CADPS: variants seen among roughly 807,000 people sequenced by gnomAD.
CADPS encodes the protein calcium-dependent secretion activator 1.
In CADPS, 57 loss-of-function variants were observed where a neutral mutation model predicts 167.3. The observed-to-expected ratio is 0.34, with a 90% CI of 0.28 to 0.42. CADPS has a LOEUF of 0.42. CADPS is among the 20% of genes least tolerant of loss of function. The pLI is 1.00. For synonymous variants in CADPS, 676 were observed against 635.3 expected (o/e 1.06, Z -0.96); for missense variants, 1,414 against 1,738.1 (o/e 0.81, Z 3.32).
intron 4 of CADPS, among the ~76,000 whole-genome samples, chr3:62,655,716 G>T (rs1407747040): frequency 1.3e-5 from 2 of 152,096 alleles, no homozygotes; most frequent in African/African-American, 4.8e-5. Context: ...CAAAGTTGGT[G>T]GGTGATCAGA....
chr3:62,492,529 T>C, intron 19 of CADPS, 83 bp from the exon 20 acceptor site: 3 of 1,327,994 alleles, frequency 2.3e-6, no homozygotes, highest in Middle Eastern at 1.9e-4. Flanking sequence ...CAGCCCTCAC[T>C]GTTCAAAATT....
chr3:62,426,100 C>A (rs779510748), intron 28 of CADPS, among the ~76,000 whole-genome samples: 3 of 152,124 alleles, frequency 2.0e-5, no homozygotes, highest in East Asian at 3.9e-4. Flanking sequence ...CTTTTCTCTC[C>A]GCTGCAAAGC....
At position 62,544,781 on chromosome 3, in the gene CADPS, C is replaced by A; in HGVS notation, c.1966+5122G>T. ...GAGGAAGATTTAAGGGGGAGGGAAG[C>A]ACATTGCAGGTGTCAGATAATCTAA... On this transcript the variant is annotated intron_variant, in intron 11 of 29. Transcript: ENST00000383710. The surrounding 1 kb of genome is among the most constrained non-coding windows in gnomAD (Gnocchi z 4.4). The A allele has an allele frequency of 1.3e-6, 1 of 790,670 alleles. No homozygotes were observed. Among genetic ancestry groups the A allele is most frequent in the Non-Finnish European group, 1.6e-6 (1 of 611,228 alleles). The allele number at this position is 790,670 out of a possible 1,614,324, so 49.0% of individuals were successfully genotyped here.
Position 62,806,681 on chromosome 3 carries a change from T to C in CADPS, c.442-40697A>G, listed in dbSNP as rs2094119170. Among the ~76,000 whole-genome samples, 4 of 152,268 alleles carry C rather than the reference T, an allele frequency of 2.6e-5. 1 individual carries two copies. The South Asian group carries it at 6.2e-4, about 24-fold the overall frequency. On this transcript the variant is annotated intron_variant, in intron 1 of 29. Transcript: ENST00000383710. Reference sequence around the variant, plus strand: ...GTATTTAAGGACATACAGCTAGTAATTGGCAGAGTATGTTACTGAATTTAA... The same window carrying C: ...GTATTTAAGGACATACAGCTAGTAACTGGCAGAGTATGTTACTGAATTTAA...
intron 1 of CADPS, among the ~76,000 whole-genome samples, chr3:62,837,902 A>G (rs1208512574): frequency 2.6e-5 from 4 of 152,206 alleles, no homozygotes; most frequent in Non-Finnish European, 5.9e-5. Context: ...CCCTCAACAA[A>G]TATAGAATTT....
At chr3:62,575,685 A>C (rs771498800) in intron 8 of CADPS, among the ~76,000 whole-genome samples, 13 of 152,200 alleles carry the variant, frequency 8.5e-5, no homozygotes, top group Non-Finnish European at 1.8e-4. Context: ...CCTAACTCTA[A>C]AGCACCCTCT....
chr3:62,451,117 A>G (rs2057984088), intron 26 of CADPS, among the ~76,000 whole-genome samples: 3 of 152,258 alleles, frequency 2.0e-5, no homozygotes, highest in Admixed American at 2.0e-4. Flanking sequence ...TCAGTGCAGA[A>G]GGTCCAAAAT....
intron 3 of CADPS, among the ~76,000 whole-genome samples, chr3:62,709,556 C>T (rs950301888): frequency 6.6e-6 from 1 of 152,054 alleles, no homozygotes; most frequent in Non-Finnish European, 1.5e-5. Context: ...CCTTCAGTAG[C>T]TATTTGTTGC....
rs1186139920 is a variant in CADPS, at chr3:62,870,772, G to C, written c.441+3817C>G. Reference sequence around the variant, plus strand: ...GGTCATGTCAATCTAAATATTACATGAATTGCTAACAGTGCCTGCTTTTAC... The same window carrying C: ...GGTCATGTCAATCTAAATATTACATCAATTGCTAACAGTGCCTGCTTTTAC... On this transcript the variant is annotated intron_variant, in intron 1 of 29. Transcript: ENST00000383710. Among the ~76,000 whole-genome samples, 3 of 152,176 alleles carry C rather than the reference G, an allele frequency of 2.0e-5. No individual in the cohort carries two copies. In the East Asian group the frequency reaches 5.8e-4, roughly 29 times the overall value.
intron 1 of CADPS, among the ~76,000 whole-genome samples, chr3:62,786,065 T>G (rs951987261): frequency 8.6e-5 from 13 of 151,678 alleles, no homozygotes; most frequent in African/African-American, 3.2e-4. Context: ...ATACAAAAAT[T>G]AGCTGGGCAT....
chr3:62,562,796 C>T (rs1432581246), intron 9 of CADPS, among the ~76,000 whole-genome samples: 1 of 152,222 alleles, frequency 6.6e-6, no homozygotes, highest in African/African-American at 2.4e-5. Flanking sequence ...GAGTAAAACA[C>T]TTGGCCCATG....
At chr3:62,865,514 A>G (rs2153202577) in intron 1 of CADPS, among the ~76,000 whole-genome samples, 1 of 152,276 alleles carries the variant, frequency 6.6e-6, no homozygotes, top group East Asian at 1.9e-4. Context: ...AAAGACATCA[A>G]TATATTATCA....
At chr3:62,799,477 C>G (rs2093637694) in intron 1 of CADPS, among the ~76,000 whole-genome samples, 1 of 152,124 alleles carries the variant, frequency 6.6e-6, no homozygotes, top group South Asian at 2.1e-4. Flanking sequence ...AAATTTATCT[C>G]TATTTTTAAA....
At chr3:62,786,190 G>C (rs1159570779) in intron 1 of CADPS, among the ~76,000 whole-genome samples, 1 of 151,938 alleles carries the variant, frequency 6.6e-6, no homozygotes, top group Non-Finnish European at 1.5e-5. Context: ...TCCAGCCTGG[G>C]GGACAGAGCA....
rs147883917 is a variant in CADPS, at chr3:62,475,482, C to A, written c.3330-1162G>T. ...TTTCTAACAGTGCATAGGAGGACCA[C>A]ACAGCTAGTTAGCTCAGGAAAGGAT... On this transcript the variant is annotated intron_variant, in intron 23 of 29. Transcript: ENST00000383710. 2.7e-5 allele frequency among the ~76,000 whole-genome samples: 4 copies of A among 145,714 alleles called. No homozygotes were observed. The East Asian group carries it at 8.6e-4, about 31-fold the overall frequency.
intron 29 of CADPS, among the ~76,000 whole-genome samples, chr3:62,402,097 G>A (rs1036927252): frequency 1.1e-4 from 16 of 152,050 alleles, no homozygotes; most frequent in African/African-American, 3.9e-4. Context: ...AACCTTTCCC[G>A]GGTGGATGCT....
rs7653102 is a variant in CADPS, at chr3:62,461,779, T to G, written c.3636+3588A>C. 9.6e-3 allele frequency among the ~76,000 whole-genome samples: 1,464 copies of G among 152,304 alleles called. 22 individuals are homozygous for G. Among genetic ancestry groups the G allele is most frequent in the African/African-American group, 0.033 (1,363 of 41,562 alleles). ...CCCCGCTTTCTCTTGCTCTCCAGTT[T>G]ATGTCCTGTGGAAATGCTTCTCCCA... is the stretch of plus-strand genomic sequence containing the variant. On this transcript the variant is annotated intron_variant, in intron 26 of 29. Transcript: ENST00000383710.
chr3:62,641,080 T>C (rs1430089463), intron 6 of CADPS, among the ~76,000 whole-genome samples: 2 of 152,214 alleles, frequency 1.3e-5, no homozygotes, highest in Admixed American at 1.3e-4. Flanking sequence ...TTTATTTAAA[T>C]TGATTCACTT....
At chr3:62,404,472 AAATT>A (rs2149093652) in intron 28 of CADPS, 1 of 152,686 alleles carries the variant, frequency 6.5e-6, no homozygotes, top group South Asian at 2.1e-4. Flanking sequence ...TCTTTTAAAA[AAATT>A]AATTTAGGTT....
Sources: gnomAD v4.1 joint callset for allele counts (sites outside exome capture counted in the v4.1 genomes callset) on GRCh38, gnomAD v4.1.1 for gene constraint, Gnocchi (gnomAD v3.1) non-coding constraint, MANE v1.5 for transcripts, NCBI Gene and HGNC (gene_info 2026-07-23, HGNC 2026-07-21) for gene names.